Variants in ANO10 observed in about 807,000 individuals in gnomAD.
ANO10 encodes anoctamin 10, also known as anoctamin-10.
In ANO10, 77 loss-of-function variants were observed where a neutral mutation model predicts 74.7. The ratio of observed to expected loss-of-function variants is 1.03; its 90% CI spans 0.86 to 1.25. ANO10 has a LOEUF of 1.25. Among genes scored for constraint, ANO10 ranks in the 50% most tolerant of loss-of-function variants. The pLI, the probability that ANO10 is intolerant of heterozygous loss-of-function variation, is 0.00. For missense variants in ANO10, 721 were observed against 778.1 expected (o/e 0.93, Z 0.87); for synonymous variants, 279 against 284.9 (o/e 0.98, Z 0.21).
chr3:43,471,397 T>C (rs1029553537), intron 11 of ANO10, among the ~76,000 whole-genome samples: 4 of 152,176 alleles, frequency 2.6e-5, no homozygotes, highest in African/African-American at 7.2e-5. Context: ...AAGTCTAGAT[T>C]TTCTATTCTT....
chr3:43,505,210 A>T (rs1255654681), intron 11 of ANO10, among the ~76,000 whole-genome samples: 1 of 152,226 alleles, frequency 6.6e-6, no homozygotes, highest in Non-Finnish European at 1.5e-5. Flanking sequence ...TGCCACTTAC[A>T]CTTGAAAATA....
At chr3:43,522,413 C>G (rs1480622708) in intron 11 of ANO10, among the ~76,000 whole-genome samples, 1 of 152,078 alleles carries the variant, frequency 6.6e-6, no homozygotes, top group Non-Finnish European at 1.5e-5. Context: ...GTGTTCTTTT[C>G]TAGGAAAACC....
At chr3:43,615,532 GA>G (rs1292170223) in intron 1 of ANO10, among the ~76,000 whole-genome samples, 2 of 151,536 alleles carry the variant, frequency 1.3e-5, no homozygotes, top group Admixed American at 1.3e-4. Flanking sequence ...TTTATAATCA[GA>G]AAAAAAGTGG....
chr3:43,413,243 CT>C (rs1458383399), intron 12 of ANO10, among the ~76,000 whole-genome samples: 1 of 152,142 alleles, frequency 6.6e-6, no homozygotes, highest in Admixed American at 6.5e-5. Flanking sequence ...GCTGCATTTA[CT>C]TTTTGATTCT....
rs370087100 is a variant in ANO10 at position 43,640,987 on chromosome 3, C to T, written c.-11-35124G>A. Among the ~76,000 whole-genome samples the T allele has an allele frequency of 6.6e-5, 10 of 152,258 alleles. No individual in the cohort carries two copies. The East Asian group carries it at 1.2e-3, about 18-fold the overall frequency. On this transcript the variant is annotated intron_variant, in intron 1 of 3. Transcript: ENST00000413397. Reference sequence around the variant, plus strand: ...AATCCTCAGCCAACGCTAGCATACACGCAGGCTGCCACATGAATTGCAGCT... The same window carrying T: ...AATCCTCAGCCAACGCTAGCATACATGCAGGCTGCCACATGAATTGCAGCT...
At chr3:43,661,857 T>G (rs2083930566) in intron 1 of ANO10, among the ~76,000 whole-genome samples, 2 of 152,228 alleles carry the variant, frequency 1.3e-5, no homozygotes, top group African/African-American at 4.8e-5. Flanking sequence ...AAGAGCTAAC[T>G]ATCCTAAATA....
chr3:43,544,032 T>A (rs1490229018), intron 11 of ANO10, among the ~76,000 whole-genome samples: 3 of 152,228 alleles, frequency 2.0e-5, no homozygotes, highest in Admixed American at 6.5e-5. Context: ...TATCTAAGAT[T>A]TAATATTTGG....
chr3:43,500,962 C>T (rs975499539), intron 11 of ANO10, among the ~76,000 whole-genome samples: 8 of 152,084 alleles, frequency 5.3e-5, no homozygotes, highest in Admixed American at 3.9e-4. Context: ...CTGGGGAGGG[C>T]GCTGTACGTA....
chr3:43,383,146 A>G (rs937706430), intron 12 of ANO10, among the ~76,000 whole-genome samples: 4 of 152,182 alleles, frequency 2.6e-5, no homozygotes, highest in African/African-American at 4.8e-5. Flanking sequence ...AACGGAATAC[A>G]ACAGCATATC....
At chr3:43,649,965 T>G (rs1575578894) in intron 1 of ANO10, among the ~76,000 whole-genome samples, 1 of 152,218 alleles carries the variant, frequency 6.6e-6, no homozygotes, top group East Asian at 1.9e-4. Context: ...CAAGAGGGTG[T>G]GTGCTACAGT....
intron 12 of ANO10, among the ~76,000 whole-genome samples, chr3:43,389,940 G>A (rs999563522): frequency 1.3e-5 from 2 of 152,156 alleles, no homozygotes; most frequent in African/African-American, 2.4e-5. Context: ...ACAGCGGGTT[G>A]AGTCAGAGCC....
intron 11 of ANO10, among the ~76,000 whole-genome samples, chr3:43,507,226 C>T (rs909139719): frequency 1.3e-5 from 2 of 152,290 alleles, no homozygotes; most frequent in East Asian, 3.9e-4. Flanking sequence ...CCTTCTTTCA[C>T]TAGAGTCAGA....
At chr3:43,528,767 TGGGCAACATGGCAAAACCCCA>T (rs2078323033) in intron 11 of ANO10, among the ~76,000 whole-genome samples, 2 of 152,162 alleles carry the variant, frequency 1.3e-5, no homozygotes, top group Non-Finnish European at 2.9e-5. Flanking sequence ...CTTACCAGCC[TGGGCAACATGGCAAAACCCCA>T]TCTCTACAAA....
intron 2 of ANO10, among the ~76,000 whole-genome samples, chr3:43,600,795 T>C (rs2082307526): frequency 6.6e-6 from 1 of 152,186 alleles, no homozygotes; most frequent in Non-Finnish European, 1.5e-5. Flanking sequence ...AATGTACCAC[T>C]AAGTAGCCTG....
At position 43,399,668 on chromosome 3, in the gene ANO10, C is replaced by T. The variant is rs145989788; in HGVS notation, c.1915-32694G>A. Among the ~76,000 whole-genome samples the T allele has an allele frequency of 3.9e-3, 587 of 152,220 alleles. 4 individuals carry two copies. Among genetic ancestry groups the T allele is most frequent in the South Asian group, 0.026 (125 of 4,816 alleles). ...CATCTGAATGGGGGCGCTCTGTGTA[C>T]GTAGACTGCATATAACAGTCAATGT... is the stretch of plus-strand genomic sequence containing the variant. On this transcript the variant is annotated intron_variant, in intron 12 of 12. Coordinates refer to ENST00000292246, the MANE Select transcript of ANO10 (RefSeq NM_018075.5).
intron 11 of ANO10, among the ~76,000 whole-genome samples, chr3:43,508,562 A>C (rs1327724219): frequency 6.6e-6 from 1 of 152,232 alleles, no homozygotes; most frequent in African/African-American, 2.4e-5. Context: ...CATCAATGAT[A>C]GACTGGATTA....
At chr3:43,573,762 A>C (rs1441321640) in intron 7 of ANO10, among the ~76,000 whole-genome samples, 3 of 152,158 alleles carry the variant, frequency 2.0e-5, no homozygotes, top group Non-Finnish European at 4.4e-5. Context: ...CTTTCCTCCC[A>C]CCTGTCAAAA....
chr3:43,689,731 G>C (rs529948070), intron 1 of ANO10, among the ~76,000 whole-genome samples: 1 of 152,310 alleles, frequency 6.6e-6, no homozygotes, highest in African/African-American at 2.4e-5. Flanking sequence ...GGGTGATAAA[G>C]ACAGGTTTAC....
At chr3:43,459,288 G>A (rs1413436671) in intron 11 of ANO10, among the ~76,000 whole-genome samples, 1 of 152,110 alleles carries the variant, frequency 6.6e-6, no homozygotes, top group Non-Finnish European at 1.5e-5. Flanking sequence ...GAAGGAAAAG[G>A]ACCAGTCAGT....
Sources: gnomAD v4.1 joint callset for allele counts (sites outside exome capture counted in the v4.1 genomes callset) on GRCh38, gnomAD v4.1.1 for gene constraint, MANE v1.5 for transcripts, NCBI Gene and HGNC (gene_info 2026-07-23, HGNC 2026-07-21) for gene names.